The following PRDM5 variants were observed in gnomAD, a reference collection of about 807,000 sequenced individuals.
PRDM5 encodes PR domain zinc finger protein 5.
A neutral mutation model predicts 81.2 loss-of-function variants in PRDM5; 56 were observed. The ratio of observed to expected loss-of-function variants is 0.69; its 90% CI spans 0.56 to 0.86. The LOEUF (loss-of-function observed/expected upper bound fraction) is 0.86. Among genes scored for constraint, PRDM5 ranks in the 40% least tolerant of loss-of-function variants. The pLI, the probability that PRDM5 is intolerant of heterozygous loss-of-function variation, is 0.00. For synonymous variants in PRDM5, 267 were observed against 256.4 expected, an observed-to-expected ratio of 1.04 and a Z score of -0.39; for missense variants, 697 against 770.1, an observed-to-expected ratio of 0.91 and a Z score of 1.12.
intron 2 of PRDM5, among the ~76,000 whole-genome samples, chr4:120,892,409 C>T (rs766528747): frequency 1.3e-5 from 2 of 151,984 alleles, no homozygotes; most frequent in Non-Finnish European, 2.9e-5. Context: ...TCAAGTGGGG[C>T]GTTGAAGTCT....
intron 14 of PRDM5, among the ~76,000 whole-genome samples, chr4:120,753,170 A>G (rs903830814): frequency 1.3e-5 from 2 of 152,138 alleles, no homozygotes; most frequent in South Asian, 2.1e-4. Context: ...TTTTGTCGGC[A>G]TCTTTTAAAT....
intron 13 of PRDM5, among the ~76,000 whole-genome samples, chr4:120,766,728 A>T (rs1335313341): frequency 1.3e-5 from 2 of 152,236 alleles, no homozygotes; most frequent in East Asian, 3.8e-4. Flanking sequence ...TACAAGTTTT[A>T]TGACCTTAGG....
At chr4:120,896,956 T>A (rs1308998769) in intron 2 of PRDM5, 1 of 151,984 alleles carries the variant, frequency 6.6e-6, no homozygotes, top group African/African-American at 2.4e-5. Flanking sequence ...GTTCTGGGAT[T>A]ACAGGCGCGA....
chr4:120,695,001 T>A lies in PRDM5; in HGVS notation c.*110A>T. The A allele has an allele frequency of 1.6e-6, 2 of 1,276,768 alleles. No individual in the cohort carries two copies. The highest frequency in any genetic ancestry group is 2.3e-6 in the Non-Finnish European group (2 of 881,186). 79.1% of individuals were successfully genotyped at this position (1,276,768 alleles called of 1,614,324 possible). On this transcript the variant is annotated 3_prime_UTR_variant, in exon 16 of 16. Coordinates refer to ENST00000264808, the MANE Select transcript of PRDM5 (RefSeq NM_018699.4). The stretch of plus-strand genomic sequence containing the variant: ...TCTAAATGTAGGCAAATAAGAACTA[T>A]GAGACCAGTAAGTCACTTTTGGCTA...
Position 120,873,322 on chromosome 4 carries a change from A to G in PRDM5, c.178-19782T>C, listed in dbSNP as rs1293560594. ...CCCTGACCACAATTTTTAAGAAGAG[A>G]AAAAAACAGTATCTATCCCCTCCCT... On this transcript the variant is annotated intron_variant, in intron 2 of 15. Transcript: ENST00000264808. Among the ~76,000 whole-genome samples, 5 of 152,256 alleles carry G rather than the reference A, an allele frequency of 3.3e-5. No homozygotes were observed. The East Asian group carries it at 9.7e-4, about 29-fold the overall frequency.
chr4:120,884,933 G>A (rs1763240835), intron 2 of PRDM5, among the ~76,000 whole-genome samples: 1 of 151,728 alleles, frequency 6.6e-6, no homozygotes. Context: ...GGTGGATCAC[G>A]AGGTCAGGAG....
In PRDM5 at chr4:120,863,270, A is replaced by G. The variant is rs546323749; in HGVS notation, c.178-9730T>C. On this transcript the variant is annotated intron_variant, in intron 2 of 15. Transcript: ENST00000264808. ...TTTGCTCTGTGTGATCCTTCACGGG[A>G]GGGAGACAGCATAAGGAAGACTGCA... 7.4e-5 allele frequency among the ~76,000 whole-genome samples: 11 copies of G among 149,308 alleles called. No homozygotes were observed. The East Asian group carries it at 2.2e-3, about 29-fold the overall frequency.
At chr4:120,746,813 G>C (rs1270614455) in intron 14 of PRDM5, among the ~76,000 whole-genome samples, 4 of 144,016 alleles carry the variant, frequency 2.8e-5, no homozygotes, top group Non-Finnish European at 6.1e-5. Context: ...TGGAGAAATA[G>C]GAACACTTTT....
chr4:120,775,243 T>A (rs986508204), intron 13 of PRDM5, among the ~76,000 whole-genome samples: 1 of 152,012 alleles, frequency 6.6e-6, no homozygotes, highest in South Asian at 2.1e-4. Context: ...ATATAGAACA[T>A]AAGACAACAA....
At position 120,695,157 on chromosome 4, in the gene PRDM5, T is replaced by C. The variant is rs928901991; in HGVS notation, c.1847A>G (p.Tyr616Cys). Reference protein sequence around the residue: ...FCHKKFTRNDYLKVHMDNIHG... With the variant: ...FCHKKFTRNDCLKVHMDNIHG... Reference sequence around the variant, plus strand: ...GATATTGTCCATGTGCACTTTGAGGTAGTCATTCCTTGTAAACTTCTTATG... The same window carrying C: ...GATATTGTCCATGTGCACTTTGAGGCAGTCATTCCTTGTAAACTTCTTATG... The change falls in exon 16 of 16, where the codon TAC (tyrosine) becomes TGC (cysteine). Residue 616 changes from tyrosine (Y) to cysteine (C), a missense_variant. By Grantham distance (194) the Tyr-to-Cys change is radical. Coordinates refer to ENST00000264808, the MANE Select transcript of PRDM5 (RefSeq NM_018699.4). 5 of 1,613,418 alleles carry C rather than the reference T, an allele frequency of 3.1e-6. No individual in the cohort carries two copies. The highest frequency in any genetic ancestry group is 4.2e-6 in the Non-Finnish European group (5 of 1,179,548).
chr4:120,883,510 A>T (rs1763068707), intron 2 of PRDM5, among the ~76,000 whole-genome samples: 1 of 149,640 alleles, frequency 6.7e-6, no homozygotes, highest in Non-Finnish European at 1.5e-5. Flanking sequence ...AATCCAAAAT[A>T]CTTATCTGAA....
intron 3 of PRDM5, among the ~76,000 whole-genome samples, chr4:120,833,171 T>C (rs377231823): frequency 6.6e-6 from 1 of 152,164 alleles, no homozygotes; most frequent in South Asian, 2.1e-4. Context: ...TCCAAAAATA[T>C]TCAATGACAA....
chr4:120,794,024 G>C (rs1396729502), intron 10 of PRDM5, among the ~76,000 whole-genome samples: 1 of 152,284 alleles, frequency 6.6e-6, no homozygotes, highest in East Asian at 1.9e-4. Flanking sequence ...ATTAAAATAA[G>C]GCAAGCAATT....
chr4:120,878,474 A>G (rs1463116814), intron 2 of PRDM5, among the ~76,000 whole-genome samples: 2 of 152,188 alleles, frequency 1.3e-5, no homozygotes, highest in African/African-American at 4.8e-5. Context: ...CTGGAAAATG[A>G]CATAGGAAAA....
At chr4:120,914,052 G>C (rs1354153955) in intron 1 of PRDM5, among the ~76,000 whole-genome samples, 5 of 152,106 alleles carry the variant, frequency 3.3e-5, no homozygotes, top group African/African-American at 7.2e-5. Flanking sequence ...CCATACAAAG[G>C]AGCAGAGCTG....
At chr4:120,880,104 G>A (rs1050164727) in intron 2 of PRDM5, among the ~76,000 whole-genome samples, 1 of 152,006 alleles carries the variant, frequency 6.6e-6, no homozygotes, top group Admixed American at 6.6e-5. Flanking sequence ...GGGGAAAATG[G>A]GGGTAACACG....
At chr4:120,789,056 G>A (rs938445355) in intron 10 of PRDM5, among the ~76,000 whole-genome samples, 3 of 152,020 alleles carry the variant, frequency 2.0e-5, no homozygotes, top group Admixed American at 2.0e-4. Context: ...CTGATTTATT[G>A]ATCAAATGAT....
chr4:120,712,854 C>T (rs1737205754), intron 14 of PRDM5, among the ~76,000 whole-genome samples: 1 of 152,154 alleles, frequency 6.6e-6, no homozygotes, highest in African/African-American at 2.4e-5. Flanking sequence ...TATACATTCT[C>T]CAGTGATGGA....
chr4:120,847,750 A>T (rs564219577), intron 3 of PRDM5, among the ~76,000 whole-genome samples: 1 of 152,334 alleles, frequency 6.6e-6, no homozygotes, highest in South Asian at 2.1e-4. Flanking sequence ...TCATTCTGCA[A>T]ATAACTCAAA....
Sources: allele counts gnomAD v4.1 joint callset (sites outside exome capture counted in the v4.1 genomes callset), GRCh38; gene constraint gnomAD v4.1.1; transcripts MANE v1.5; gene names NCBI Gene and HGNC (gene_info 2026-07-23, HGNC 2026-07-21).